RALGAPA1: variants seen among roughly 807,000 people sequenced by gnomAD.
The protein encoded by RALGAPA1 is Ral GTPase activating protein catalytic subunit alpha 1.
A neutral mutation model predicts 269.6 loss-of-function variants in RALGAPA1; 52 were observed. That is an observed-to-expected ratio of 0.19 (90% confidence interval 0.15 to 0.24). The LOEUF is 0.24. RALGAPA1 is among the 10% of genes least tolerant of loss of function. The probability of loss-of-function intolerance (pLI) is 1.00; values close to 1 mark genes in which losing one functional copy is unlikely to be tolerated. For synonymous variants in RALGAPA1, 817 were observed against 1,008.3 expected (o/e 0.81, Z 3.60); for missense variants, 1,917 against 3,013.9 (o/e 0.64, Z 8.52).
At chr14:35,798,992 CAAAA>C (rs60003824) in intron 1 of RALGAPA1, among the ~76,000 whole-genome samples, 4 of 81,338 alleles carry the variant, frequency 4.9e-5, no homozygotes, top group Admixed American at 2.8e-4. Flanking sequence ...CTGTCTGTGT[CAAAA>C]AAAAAAAAAA....
At chr14:35,681,058 T>C (rs1032163775) in intron 21 of RALGAPA1, among the ~76,000 whole-genome samples, 5 of 152,230 alleles carry the variant, frequency 3.3e-5, no homozygotes, top group African/African-American at 1.2e-4. Context: ...TTGTTTCCTA[T>C]ACTAGATTTC....
At chr14:35,557,353 G>A (rs762608555) in intron 39 of RALGAPA1, among the ~76,000 whole-genome samples, 4 of 149,926 alleles carry the variant, frequency 2.7e-5, no homozygotes, top group East Asian at 1.9e-4. Flanking sequence ...AATTACTTAA[G>A]TGTTATCTCT....
intron 37 of RALGAPA1, among the ~76,000 whole-genome samples, chr14:35,581,692 T>C (rs1283774507): frequency 6.6e-6 from 1 of 152,164 alleles, no homozygotes; most frequent in Non-Finnish European, 1.5e-5. Flanking sequence ...ATTTCACACC[T>C]ACTACTATGG....
chr14:35,646,134 A>C (rs2062422086), intron 31 of RALGAPA1, among the ~76,000 whole-genome samples: 1 of 152,212 alleles, frequency 6.6e-6, no homozygotes. Context: ...AATGTAGAAA[A>C]AATGATGAAT....
chr14:35,670,651 A>G (rs10143752), intron 26 of RALGAPA1, among the ~76,000 whole-genome samples: 53,080 of 152,096 alleles, frequency 0.35, 12,766 homozygotes, highest in African/African-American at 0.67. Flanking sequence ...CTGGCTGGGC[A>G]CGGTGGCTCA....
At chr14:35,610,668 T>C (rs150123558) in intron 35 of RALGAPA1, among the ~76,000 whole-genome samples, 740 of 152,234 alleles carry the variant, frequency 4.9e-3, no homozygotes, top group African/African-American at 0.016. Flanking sequence ...AATTAATAAT[T>C]TGATTAGAAA....
intron 36 of RALGAPA1, among the ~76,000 whole-genome samples, chr14:35,600,807 T>C (rs1228380677): frequency 6.6e-6 from 1 of 152,238 alleles, no homozygotes; most frequent in Non-Finnish European, 1.5e-5. Flanking sequence ...GTAATCTTGG[T>C]GTGGGCATCT....
At chr14:35,610,388 T>C (rs2059855477) in intron 35 of RALGAPA1, among the ~76,000 whole-genome samples, 3 of 152,024 alleles carry the variant, frequency 2.0e-5, no homozygotes, top group Admixed American at 1.3e-4. Flanking sequence ...GTTCACACCA[T>C]TCTCCTGCCT....
intron 38 of RALGAPA1, 59 bp downstream of exon 38, chr14:35,572,501 C>A: frequency 7.6e-7 from 1 of 1,319,160 alleles, no homozygotes; most frequent in Admixed American, 2.4e-5. Context: ...TGGAAAGAAA[C>A]CCATGAACCC....
At position 35,756,882 on chromosome 14, in the gene RALGAPA1, G is replaced by C. The variant is rs753654337; in HGVS notation, c.574C>G (p.Pro192Ala). The C allele has an allele frequency of 3.7e-6, 6 of 1,610,762 alleles. No individual in the cohort carries two copies. The highest frequency in any genetic ancestry group is 5.1e-6 in the Non-Finnish European group (6 of 1,178,328). Residue 192 changes from proline (P) to alanine (A), a missense_variant, in exon 7 of 42, where the codon CCT (proline) becomes GCT (alanine). Physicochemically the swap from Pro to Ala is conservative, Grantham distance 27 (BLOSUM62 -1). Coordinates refer to ENST00000680220, the MANE Select transcript of RALGAPA1 (RefSeq NM_001346249.2). ...ETQVTIEEIT[P>A]LVPPQSGDKG... ...TCTCCTGATTGTGGGGGGACAAGAG[G>C]AGTGATTTCTTCTATAGTGACTTGA...
chr14:35,751,510 G>A (rs2072680671), intron 8 of RALGAPA1, among the ~76,000 whole-genome samples: 1 of 152,124 alleles, frequency 6.6e-6, no homozygotes, highest in Non-Finnish European at 1.5e-5. Context: ...TTGGCTGGGT[G>A]TGGTGGCTCA....
intron 35 of RALGAPA1, among the ~76,000 whole-genome samples, chr14:35,612,246 C>T (rs1566820156): frequency 6.6e-6 from 1 of 151,592 alleles, no homozygotes; most frequent in Non-Finnish European, 1.5e-5. Context: ...TGGCATGCGT[C>T]TGCAGTCCCA....
chr14:35,684,491 T>C (rs1039482672), intron 20 of RALGAPA1, among the ~76,000 whole-genome samples: 2 of 152,162 alleles, frequency 1.3e-5, no homozygotes. Flanking sequence ...TAGTAACAGG[T>C]CTATCCTAAA....
At chr14:35,784,011 A>G (rs1227186379) in intron 1 of RALGAPA1, among the ~76,000 whole-genome samples, 1 of 152,150 alleles carries the variant, frequency 6.6e-6, no homozygotes, top group African/African-American at 2.4e-5. Context: ...AGGTCCCTAA[A>G]AAGTTTAATA....
intron 10 of RALGAPA1, among the ~76,000 whole-genome samples, chr14:35,747,147 T>C (rs554910570): frequency 6.6e-6 from 1 of 151,978 alleles, no homozygotes; most frequent in Non-Finnish European, 1.5e-5. Flanking sequence ...GACCCCACTC[T>C]ACAAAAAAAA....
intron 36 of RALGAPA1, among the ~76,000 whole-genome samples, chr14:35,598,642 A>G (rs2059080002): frequency 6.6e-6 from 1 of 151,906 alleles, no homozygotes; most frequent in Admixed American, 6.6e-5. Context: ...CTGGTCTCGA[A>G]CTCCTGGCCT....
intron 35 of RALGAPA1, among the ~76,000 whole-genome samples, chr14:35,609,748 C>A (rs559970929): frequency 6.6e-6 from 1 of 151,708 alleles, no homozygotes; most frequent in Non-Finnish European, 1.5e-5. Flanking sequence ...CACAGAGAGA[C>A]CCCATCTCTA....
intron 39 of RALGAPA1, among the ~76,000 whole-genome samples, chr14:35,559,309 T>C (rs2055935688): frequency 6.6e-6 from 1 of 152,218 alleles, no homozygotes; most frequent in South Asian, 2.1e-4. Flanking sequence ...GTTTAAAGAC[T>C]AATTTCTGCT....
intron 10 of RALGAPA1, 22 bp downstream of exon 10, chr14:35,748,563 A>G (rs1321052628): frequency 6.3e-7 from 1 of 1,579,054 alleles, no homozygotes; most frequent in East Asian, 2.3e-5. Context: ...TTATAAATTA[A>G]AAATACTGAG....
Sources: allele counts gnomAD v4.1 joint callset (sites outside exome capture counted in the v4.1 genomes callset), GRCh38; gene constraint gnomAD v4.1.1; transcripts MANE v1.5; gene names NCBI Gene and HGNC (gene_info 2026-07-23, HGNC 2026-07-21).